Variants in PTPRM observed in about 807,000 individuals in gnomAD.
PTPRM encodes receptor-type tyrosine-protein phosphatase mu.
PTPRM carries 47 observed loss-of-function variants against 186.7 expected under a neutral mutation model. That is an observed-to-expected ratio of 0.25 (90% CI 0.20 to 0.32). The LOEUF (loss-of-function observed/expected upper bound fraction) is 0.32. Ranked by LOEUF, PTPRM falls within the 10% of genes least tolerant of loss-of-function variation. The pLI is 1.00. For missense variants in PTPRM, 1,494 were observed against 1,865.0 expected (o/e 0.80, Z 3.66); for synonymous variants, 668 against 674.9 (o/e 0.99, Z 0.16).
At chr18:7,774,356 G>C in intron 2 of PTPRM, 85 bp downstream of exon 2, 1 of 1,505,058 alleles carries the variant, frequency 6.6e-7, no homozygotes, top group South Asian at 1.2e-5. Flanking sequence ...TTGGTTAAAT[G>C]AGTGACGGTG....
intron 19 of PTPRM, among the ~76,000 whole-genome samples, chr18:8,285,783 G>A (rs1315617929): frequency 6.6e-6 from 1 of 152,176 alleles, no homozygotes; most frequent in East Asian, 1.9e-4. Context: ...CTTGAGCCCA[G>A]GGGTTCGAGA....
At chr18:8,352,935 G>T (rs905683855) in intron 23 of PTPRM, among the ~76,000 whole-genome samples, 8 of 152,156 alleles carry the variant, frequency 5.3e-5, no homozygotes, top group Non-Finnish European at 1.0e-4. Flanking sequence ...CTCCCAAAGT[G>T]CTGGGATTAC....
At chr18:7,639,000 G>A (rs1320017876) in intron 1 of PTPRM, among the ~76,000 whole-genome samples, 3 of 152,130 alleles carry the variant, frequency 2.0e-5, no homozygotes, top group Non-Finnish European at 4.4e-5. Context: ...CTCCAAAACT[G>A]TAGTGTTTTA....
intron 14 of PTPRM, among the ~76,000 whole-genome samples, chr18:8,156,626 T>C (rs769199250): frequency 2.0e-5 from 3 of 152,198 alleles, no homozygotes; most frequent in Non-Finnish European, 4.4e-5. Context: ...ATCTGACTTT[T>C]AACTGCCCTG....
intron 14 of PTPRM, among the ~76,000 whole-genome samples, chr18:8,205,234 G>A (rs111273386): frequency 0.01 from 1,565 of 152,120 alleles, 33 homozygotes; most frequent in African/African-American, 0.035. Context: ...GTCATTTCTC[G>A]CTGCTCTAAA....
rs1047085494 is a variant in PTPRM, at chr18:7,668,230, C to T, written c.73+100339C>T. On this transcript the variant is annotated intron_variant, in intron 1 of 32. Transcript: ENST00000580170. The surrounding 1 kb of genome is among the most constrained non-coding windows in gnomAD (Gnocchi z 4.7). ...ACGGTGGTGCCCGCAGACGCTGCTT[C>T]GTGTCCCCCATGACAGCTCTGGTGT... Among the ~76,000 whole-genome samples the T allele has an allele frequency of 6.6e-5, 10 of 152,118 alleles. No individual in the cohort carries two copies. The highest frequency in any genetic ancestry group is 2.2e-4 in the African/African-American group (9 of 41,426).
At chr18:8,099,658 G>A (rs1450739902) in intron 11 of PTPRM, among the ~76,000 whole-genome samples, 1 of 152,194 alleles carries the variant, frequency 6.6e-6, no homozygotes, top group African/African-American at 2.4e-5. Context: ...GGAGCAGGCT[G>A]TGCTCAGGGG....
intron 14 of PTPRM, among the ~76,000 whole-genome samples, chr18:8,157,166 C>T (rs538146904): frequency 9.8e-5 from 15 of 152,296 alleles, no homozygotes; most frequent in Admixed American, 2.0e-4. Context: ...CCACCTAGCT[C>T]GGTGTCCCTC....
intron 1 of PTPRM, among the ~76,000 whole-genome samples, chr18:7,596,000 G>T (rs887734424): frequency 3.3e-5 from 5 of 152,190 alleles, no homozygotes; most frequent in Admixed American, 1.3e-4. Flanking sequence ...CTTGGAAAAA[G>T]ATCGAAAAAG....
At chr18:8,334,085 A>G (rs1568768262) in intron 22 of PTPRM, among the ~76,000 whole-genome samples, 1 of 152,156 alleles carries the variant, frequency 6.6e-6, no homozygotes, top group Non-Finnish European at 1.5e-5. Context: ...TAGGTGCCTC[A>G]CACTGCTGTG....
intron 7 of PTPRM, among the ~76,000 whole-genome samples, chr18:8,063,950 G>C (rs1182251605): frequency 6.6e-6 from 1 of 152,138 alleles, no homozygotes. Flanking sequence ...ACTAGGGAGT[G>C]CTCCTTCTAG....
intron 14 of PTPRM, among the ~76,000 whole-genome samples, chr18:8,238,547 A>T (rs953116589): frequency 2.0e-5 from 3 of 151,656 alleles, no homozygotes; most frequent in Non-Finnish European, 4.4e-5. Flanking sequence ...CTCATAGCAT[A>T]CTAATCGTGG....
At chr18:7,998,037 T>A (rs942938151) in intron 7 of PTPRM, among the ~76,000 whole-genome samples, 2 of 152,142 alleles carry the variant, frequency 1.3e-5, no homozygotes, top group African/African-American at 4.8e-5. Context: ...TATTTGGGTA[T>A]GTTGCAAAAG....
intron 4 of PTPRM, among the ~76,000 whole-genome samples, chr18:7,912,522 T>C (rs1333146497): frequency 6.6e-6 from 1 of 152,098 alleles, no homozygotes; most frequent in Non-Finnish European, 1.5e-5. Flanking sequence ...GTACTTTCTT[T>C]TCTTTTTGAG....
intron 9 of PTPRM, among the ~76,000 whole-genome samples, chr18:8,085,074 T>A (rs755553121): frequency 1.2e-4 from 18 of 152,104 alleles, no homozygotes; most frequent in Non-Finnish European, 2.4e-4. Flanking sequence ...TGGCTACATT[T>A]CCATCATTTC....
chr18:7,625,021 A>T (rs991902890), intron 1 of PTPRM, among the ~76,000 whole-genome samples: 2 of 152,202 alleles, frequency 1.3e-5, no homozygotes, highest in African/African-American at 4.8e-5. Flanking sequence ...CAAGGAACTC[A>T]AAATGATCAC....
Position 8,376,126 on chromosome 18 carries a change from C to G in PTPRM, c.3252C>G (p.Thr1084=), listed in dbSNP as rs150449029. 6.2e-7 allele frequency: 1 copy of G among 1,613,934 alleles called. No homozygotes were observed. The change falls in exon 25 of 33, where the codon ACC becomes ACG. Residue 1084 remains threonine, a synonymous_variant. Coordinates refer to ENST00000580170, the MANE Select transcript of PTPRM (RefSeq NM_001105244.2). ...ATCATGGGGTCCCCTACCATGCCAC[C>G]GGCCTGCTGGGATTCGTGCGGCAAG... ...WPDHGVPYHA[T]GLLGFVRQVK... is the part of the protein sequence containing the mutation.
chr18:7,939,774 A>G (rs922986352), intron 5 of PTPRM, among the ~76,000 whole-genome samples: 2 of 152,106 alleles, frequency 1.3e-5, no homozygotes, highest in Admixed American at 1.3e-4. Flanking sequence ...GAACTCTCAT[A>G]TGGTAAAGAA....
At chr18:7,978,009 C>G (rs1436526097) in intron 7 of PTPRM, among the ~76,000 whole-genome samples, 1 of 152,218 alleles carries the variant, frequency 6.6e-6, no homozygotes, top group Non-Finnish European at 1.5e-5. Context: ...AAGGAAACGA[C>G]TTGTGCAGTT....
Sources: gnomAD v4.1 joint callset for allele counts (sites outside exome capture counted in the v4.1 genomes callset) on GRCh38, gnomAD v4.1.1 for gene constraint, Gnocchi (gnomAD v3.1) non-coding constraint, MANE v1.5 for transcripts, NCBI Gene and HGNC (gene_info 2026-07-23, HGNC 2026-07-21) for gene names.